Variants in LRRFIP1 observed in about 807,000 individuals in gnomAD.
The protein encoded by LRRFIP1 is leucine-rich repeat flightless-interacting protein 1.
In LRRFIP1, 62 loss-of-function variants were observed where a neutral mutation model predicts 104.4. The ratio of observed to expected loss-of-function variants is 0.59; its 90% CI spans 0.48 to 0.73. The LOEUF (loss-of-function observed/expected upper bound fraction) is 0.73, where lower values mean the gene tolerates loss of function less well. Ranked by LOEUF, LRRFIP1 falls within the 30% of genes least tolerant of loss-of-function variation. The pLI is 0.00. For synonymous variants in LRRFIP1, 300 were observed against 299.0 expected (o/e 1.00, Z -0.03); for missense variants, 796 against 824.5 (o/e 0.97, Z 0.42).
At chr2:237,628,080 G>T (rs915045614) in intron 1 of LRRFIP1, among the ~76,000 whole-genome samples, 2 of 152,110 alleles carry the variant, frequency 1.3e-5, no homozygotes, top group African/African-American at 2.4e-5. Context: ...GGCTGGCCGG[G>T]TGGGGGCGAG....
At position 237,661,950 on chromosome 2, in the gene LRRFIP1, A is replaced by G. The variant is rs2088067066; in HGVS notation, c.96+34210A>G. On this transcript the variant is annotated intron_variant, in intron 1 of 23. Coordinates refer to ENST00000308482, the MANE Select transcript of LRRFIP1 (RefSeq NM_001137550.2). This position sits in a 1 kb window ranked among gnomAD's most constrained non-coding sequence, Gnocchi z 4.4. ...TGCACCTAGCGTGACCCATGACAGC[A>G]TGCAGGTGTTGGTCTGTAGGGATGC... Among the ~76,000 whole-genome samples the G allele has an allele frequency of 6.6e-6, 1 of 152,354 alleles. No homozygotes were observed. Among genetic ancestry groups the G allele is most frequent in the Non-Finnish European group, 1.5e-5 (1 of 68,026 alleles).
intron 14 of LRRFIP1, 126 bp from the exon 15 acceptor site, chr2:237,753,183 G>T (rs1369314214): frequency 1.6e-5 from 10 of 628,300 alleles, no homozygotes; most frequent in Non-Finnish European, 2.3e-5. Flanking sequence ...TTCTTCTTCT[G>T]ATCCATTTGC....
At chr2:237,636,760 A>G (rs1048626612) in intron 1 of LRRFIP1, among the ~76,000 whole-genome samples, 17 of 152,236 alleles carry the variant, frequency 1.1e-4, no homozygotes, top group Admixed American at 5.9e-4. Context: ...CAAAGTGTGA[A>G]CAGGAAGCCA....
chr2:237,733,840 C>G (rs1478165767), intron 9 of LRRFIP1, 22 bp downstream of exon 9: 1 of 1,613,576 alleles, frequency 6.2e-7, no homozygotes. Context: ...GCCCACCCTG[C>G]TGCCCCGCAC....
At position 237,714,284 on chromosome 2, in the gene LRRFIP1, C is replaced by G. The variant is rs927825415; in HGVS notation, c.201+8C>G. 1 of 1,598,362 alleles carries G rather than the reference C, an allele frequency of 6.3e-7. No individual in the cohort carries two copies. The highest frequency in any genetic ancestry group is 8.6e-7 in the Non-Finnish European group (1 of 1,169,378). ...ATCTATCAGGTCCAAAAGGTAGGCT[C>G]TTCTTTCTTTATTTTCTAACTTGCA... is the stretch of plus-strand genomic sequence containing the variant. On this transcript the variant is annotated splice_region_variant and intron_variant, in intron 3 of 23. Transcript: ENST00000308482.
chr2:237,628,362 A>G (rs1186134147), intron 1 of LRRFIP1, among the ~76,000 whole-genome samples: 1 of 152,228 alleles, frequency 6.6e-6, no homozygotes, highest in Non-Finnish European at 1.5e-5. Context: ...TATTGTAACT[A>G]AGATCATGTT....
At position 237,749,234 on chromosome 2, in the gene LRRFIP1, G is replaced by A. The variant is rs151302205; in HGVS notation, c.705G>A (p.Thr235=). The A allele has an allele frequency of 9.3e-6, 15 of 1,613,556 alleles. No homozygotes were observed. The highest frequency in any genetic ancestry group is 5.5e-5 in the South Asian group (5 of 91,020). ...ACATGCCGGGCCTGTCTGCAGCCAC[G>A]CTGGCCTCTCTGGGTGGGACTTCCT... ...SRNMPGLSAA[T]LASLGGTSSR... Residue 235 remains threonine, a synonymous_variant, in exon 13 of 24, where the codon ACG becomes ACA. Transcript: ENST00000308482.
Position 237,693,304 on chromosome 2 carries a change from A to G in LRRFIP1, c.97-15240A>G, listed in dbSNP as rs79685677. On this transcript the variant is annotated intron_variant, in intron 1 of 23. Coordinates refer to ENST00000308482, the MANE Select transcript of LRRFIP1 (RefSeq NM_001137550.2). The stretch of plus-strand genomic sequence containing the variant: ...TTGGTAAAAGTATGAGCCCCAAACA[A>G]TCACTCTTTCATCAGGTAGAAATTA... Among the ~76,000 whole-genome samples, 472 of 152,338 alleles carry G rather than the reference A, an allele frequency of 3.1e-3. 11 individuals are homozygous for G. In the East Asian group the frequency reaches 0.046, roughly 15 times the overall value.
chr2:237,764,214 A>G, intron 19 of LRRFIP1: 1 of 1,613,368 alleles, frequency 6.2e-7, no homozygotes, highest in South Asian at 1.1e-5. Flanking sequence ...CTGCCAATGT[A>G]AGTAGAATGT....
chr2:237,736,745 A>G (rs2095260875), intron 10 of LRRFIP1, among the ~76,000 whole-genome samples: 2 of 152,248 alleles, frequency 1.3e-5, no homozygotes, highest in Non-Finnish European at 2.9e-5. Context: ...TTGTCCTGAC[A>G]GCACAGCTGC....
chr2:237,721,104 T>G (rs1559669024), intron 6 of LRRFIP1: 11 of 373,754 alleles, frequency 2.9e-5, no homozygotes, highest in South Asian at 6.9e-5. Context: ...AAGCCTTGAT[T>G]AGCACAGTTG....
Position 237,779,418 on chromosome 2 carries a change from C to T in LRRFIP1, c.1813-4C>T, listed in dbSNP as rs1372432017. ...AAAGCTCACTGCCTTTCCTCCGTTC[C>T]CAGCTCCGCTCTGCATTGGATAAAA... On this transcript the variant is annotated splice_polypyrimidine_tract_variant and splice_region_variant and intron_variant, in intron 23 of 23. Coordinates refer to ENST00000308482, the MANE Select transcript of LRRFIP1 (RefSeq NM_001137550.2). The T allele has an allele frequency of 1.9e-6, 3 of 1,612,822 alleles. No homozygotes were observed. Among genetic ancestry groups the T allele is most frequent in the Non-Finnish European group, 2.5e-6 (3 of 1,179,220 alleles).
At chr2:237,727,448 A>T (rs1173881266) in intron 7 of LRRFIP1, among the ~76,000 whole-genome samples, 1 of 152,030 alleles carries the variant, frequency 6.6e-6, no homozygotes, top group Non-Finnish European at 1.5e-5. Context: ...ACCCTGAACC[A>T]GGAACTGAAA....
chr2:237,760,160 A>C lies in LRRFIP1; in HGVS notation c.1414A>C (p.Lys472Gln). 6.2e-7 allele frequency: 1 copy of C among 1,614,136 alleles called. No individual in the cohort carries two copies. Among genetic ancestry groups the C allele is most frequent in the South Asian group, 1.1e-5 (1 of 91,076 alleles). The change falls in exon 19 of 24, where the codon AAA (lysine) becomes CAA (glutamine). Residue 472 changes from lysine to glutamine, a missense_variant. Physicochemically the swap from Lys to Gln is moderately conservative, Grantham distance 53. Transcript: ENST00000308482. ...ATACCAAGGTCCTACCAAGATGACA[A>C]AAGAAGAGTTAAATGCCCTCAAGTC... Reference protein sequence around the residue: ...VGYQGPTKMTKEELNALKSTG... With the variant: ...VGYQGPTKMTQEELNALKSTG...
chr2:237,724,806 A>AT (rs765643957), intron 7 of LRRFIP1, among the ~76,000 whole-genome samples: 208 of 150,562 alleles, frequency 1.4e-3, no homozygotes, highest in African/African-American at 4.9e-3. Flanking sequence ...CACATTTTGG[A>AT]TTTTTTTTTT....
intron 1 of LRRFIP1, among the ~76,000 whole-genome samples, chr2:237,659,197 A>G (rs902098141): frequency 1.6e-4 from 24 of 152,038 alleles, no homozygotes; most frequent in African/African-American, 5.3e-4. Flanking sequence ...GGGCTCAAGC[A>G]ATCCTCCTGC....
intron 1 of LRRFIP1, among the ~76,000 whole-genome samples, chr2:237,693,320 G>A (rs1026024778): frequency 1.5e-4 from 23 of 152,218 alleles, no homozygotes; most frequent in African/African-American, 5.5e-4. Context: ...CTTTCATCAG[G>A]TAGAAATTAA....
chr2:237,667,717 T>G (rs1021981704), intron 1 of LRRFIP1, among the ~76,000 whole-genome samples: 28 of 152,198 alleles, frequency 1.8e-4, no homozygotes, highest in Admixed American at 9.8e-4. Context: ...TCATTGACCG[T>G]TCCCTGTGTG....
rs372399533 is a variant in LRRFIP1, at chr2:237,744,965, C to T, written c.634-3399C>T. On this transcript the variant is annotated intron_variant, in intron 11 of 23. Transcript: ENST00000308482. ...CTGCACCATGCCCACCTCCTCCAGGCCCCCACACCATGCCATGCAGTGGCC... is the reference window on the plus strand; with the variant it reads ...CTGCACCATGCCCACCTCCTCCAGGTCCCCACACCATGCCATGCAGTGGCC... 1.7e-4 allele frequency among the ~76,000 whole-genome samples: 26 copies of T among 152,364 alleles called. No individual in the cohort carries two copies. In the South Asian group the frequency reaches 5.2e-3, roughly 30 times the overall value.
Sources: allele counts gnomAD v4.1 joint callset (sites outside exome capture counted in the v4.1 genomes callset), GRCh38; gene constraint gnomAD v4.1.1; non-coding constraint Gnocchi (gnomAD v3.1); transcripts MANE v1.5; gene names NCBI Gene and HGNC (gene_info 2026-07-23, HGNC 2026-07-21).